Variants in SETX observed in about 807,000 individuals in gnomAD.
The protein encoded by SETX is helicase senataxin.
SETX carries 90 observed loss-of-function variants against 227.2 expected under a neutral mutation model. That is an observed-to-expected ratio of 0.40 (90% CI 0.33 to 0.47). The LOEUF (loss-of-function observed/expected upper bound fraction) is 0.47. SETX is among the 20% of genes least tolerant of loss of function. The probability of loss-of-function intolerance (pLI) is 0.91; values close to 1 mark genes in which losing one functional copy is unlikely to be tolerated. For missense variants in SETX, 3,052 were observed against 3,181.5 expected, an observed-to-expected ratio of 0.96 and a Z score of 0.98; for synonymous variants, 1,210 against 1,113.2, an observed-to-expected ratio of 1.09 and a Z score of -1.73.
chr9:132,343,335 A>G (rs1048862275), intron 4 of SETX, among the ~76,000 whole-genome samples: 4 of 152,152 alleles, frequency 2.6e-5, no homozygotes, highest in Non-Finnish European at 4.4e-5. Flanking sequence ...AACAACAAAA[A>G]AAAGAATGTA....
chr9:132,355,556 CCT>C (rs1257403980), upstream of SETX, among the ~76,000 whole-genome samples: 12 of 152,220 alleles, frequency 7.9e-5, no homozygotes, highest in Non-Finnish European at 1.3e-4. Context: ...AGAGTAAATC[CCT>C]CGCTGGTGCG....
chr9:132,271,162 T>C (rs1420764791), intron 24 of SETX, among the ~76,000 whole-genome samples: 2 of 152,210 alleles, frequency 1.3e-5, no homozygotes, highest in East Asian at 3.8e-4. Context: ...CAATGACACT[T>C]TGACACATAC....
Position 132,263,377 on chromosome 9 carries a change from T to C in SETX, c.*862A>G, listed in dbSNP as rs1017911725. 2 of 152,190 alleles carry C rather than the reference T, an allele frequency of 1.3e-5. No homozygotes were observed. The highest frequency in any genetic ancestry group is 4.8e-5 in the African/African-American group (2 of 41,436). The allele number at this position is 152,190 out of a possible 1,614,324, so 9.4% of individuals were successfully genotyped here. ...TTCCACAGCTGACCCAGCGCTAATC[T>C]AGCATTTGGCAACCAAATGTCTGTA... On this transcript the variant is annotated 3_prime_UTR_variant, in exon 26 of 26. Transcript: ENST00000224140.
intron 3 of SETX, 61 bp downstream of exon 3, chr9:132,349,191 A>C: frequency 6.6e-7 from 1 of 1,515,108 alleles, no homozygotes. Context: ...AACGGAGTTC[A>C]AACTTACTCT....
At chr9:132,349,485 T>C (rs771717976) in intron 2 of SETX, 50 bp from the exon 3 acceptor site, 23 of 1,581,176 alleles carry the variant, frequency 1.5e-5, no homozygotes, top group Admixed American at 1.0e-4. Flanking sequence ...TCAGACCTAC[T>C]GTGTGTCAAG....
At chr9:132,343,032 C>A (rs1482943613) in intron 4 of SETX, among the ~76,000 whole-genome samples, 1 of 152,052 alleles carries the variant, frequency 6.6e-6, no homozygotes, top group African/African-American at 2.4e-5. Context: ...GAATAGATCC[C>A]TTTTTTGCCG....
intron 15 of SETX, among the ~76,000 whole-genome samples, chr9:132,289,016 C>G (rs987667665): frequency 6.6e-5 from 10 of 152,228 alleles, no homozygotes; most frequent in Admixed American, 2.6e-4. Context: ...ATAAACGAAG[C>G]AGTTCTCTCA....
At chr9:132,316,513 C>G (rs1231615475) in intron 10 of SETX, among the ~76,000 whole-genome samples, 1 of 152,166 alleles carries the variant, frequency 6.6e-6, no homozygotes, top group East Asian at 1.9e-4. Context: ...TTTATGATTA[C>G]CTTCATCACC....
intron 23 of SETX, 117 bp from the exon 24 acceptor site, chr9:132,271,925 C>T: frequency 1.2e-6 from 1 of 808,476 alleles, no homozygotes; most frequent in Non-Finnish European, 2.0e-6. Context: ...CTCTGTCGCC[C>T]AGGCTGGAGT....
rs1842554786 is a variant in SETX, at chr9:132,264,752, A to G, written c.7521T>C (p.Ser2507=). The stretch of plus-strand genomic sequence containing the variant: ...TGGAGTCAGAGGGTGTGTGGTATAG[A>G]GAAGCAGCAACAGATGTCTTGGCAA... ...SGFAKTSVAA[S]LYHTPSDSKE... Residue 2507 remains serine, a synonymous_variant, in exon 26 of 26, where the codon TCT becomes TCC. Transcript: ENST00000224140. 1 of 1,614,056 alleles carries G rather than the reference A, an allele frequency of 6.2e-7. No homozygotes were observed. Among genetic ancestry groups the G allele is most frequent in the East Asian group, 2.2e-5 (1 of 44,902 alleles).
At chr9:132,269,320 C>T (rs1842787663) in intron 25 of SETX, 1 of 1,038,616 alleles carries the variant, frequency 9.6e-7, no homozygotes, top group Non-Finnish European at 1.3e-6. Context: ...CAAGCAATTG[C>T]TTTGGCACTT....
rs1334058002 is a variant in SETX, at chr9:132,336,326, C to T, written c.688G>A (p.Asp230Asn). ...KLILLPSHMY[D>N]TTNYKSYWLG... Reference sequence around the variant, plus strand: ...CAATAGCTTTTGTAGTTGGTAGTATCATACATGTGTGAGGGCAGAAGAATC... The same window carrying T: ...CAATAGCTTTTGTAGTTGGTAGTATTATACATGTGTGAGGGCAGAAGAATC... The change falls in exon 6 of 26, where the codon GAT (aspartate) becomes AAT (asparagine). Residue 230 changes from aspartate (D) to asparagine (N), a missense_variant. This residue lies in a region of SETX where 239 missense variants were observed against 240.8 expected (regional missense o/e 0.99). Coordinates refer to ENST00000224140, the MANE Select transcript of SETX (RefSeq NM_015046.7). The T allele has an allele frequency of 1.2e-6, 2 of 1,613,686 alleles. No individual in the cohort carries two copies. Among genetic ancestry groups the T allele is most frequent in the East Asian group, 4.5e-5 (2 of 44,868 alleles).
In SETX at chr9:132,354,224, AAC is replaced by A. The variant is rs1229104802; in HGVS notation, c.-114-471_-114-470del. Among the ~76,000 whole-genome samples the A allele has an allele frequency of 3.3e-5, 5 of 152,178 alleles. No individual in the cohort carries two copies. The East Asian group carries it at 9.6e-4, about 29-fold the overall frequency. On this transcript the variant is annotated intron_variant, in intron 1 of 25. Transcript: ENST00000224140. Reference sequence around the variant, plus strand: ...AGCTCCAGCCCCTCCAAGTGGGAGAAACAGACTCTCCTCCAAACGAAGGGACC... The same window carrying A: ...AGCTCCAGCCCCTCCAAGTGGGAGAAAGACTCTCCTCCAAACGAAGGGACC...
intron 12 of SETX, 141 bp downstream of exon 12, chr9:132,300,488 CT>C (rs1024378221): frequency 1.2e-6 from 1 of 830,252 alleles, no homozygotes; most frequent in Non-Finnish European, 2.0e-6. Flanking sequence ...AGAAAAGAGA[CT>C]CTGAATGGCC....
chr9:132,356,128 G>C (rs1848901698), upstream of SETX, among the ~76,000 whole-genome samples: 2 of 152,034 alleles, frequency 1.3e-5, no homozygotes, highest in Admixed American at 1.3e-4. Context: ...CCAGGCTGGG[G>C]AACAAAGCAA....
chr9:132,313,820 G>C (rs373898016), intron 10 of SETX, among the ~76,000 whole-genome samples: 11 of 150,160 alleles, frequency 7.3e-5, no homozygotes, highest in African/African-American at 2.7e-4. Flanking sequence ...AAAGGTGTCA[G>C]CTGCTGTAAA....
chr9:132,300,282 C>T (rs1844914008), intron 12 of SETX, among the ~76,000 whole-genome samples: 1 of 152,022 alleles, frequency 6.6e-6, no homozygotes, highest in Non-Finnish European at 1.5e-5. Flanking sequence ...AGCTGCCTTA[C>T]AGTGAGTTTT....
chr9:132,267,387 C>G (rs769562225), intron 25 of SETX, among the ~76,000 whole-genome samples: 1 of 152,228 alleles, frequency 6.6e-6, no homozygotes, highest in Non-Finnish European at 1.5e-5. Context: ...TTGCTAAGTT[C>G]ACTACACCTA....
chr9:132,299,790 C>T (rs1174401283), intron 12 of SETX, among the ~76,000 whole-genome samples: 1 of 151,910 alleles, frequency 6.6e-6, no homozygotes, highest in Non-Finnish European at 1.5e-5. Flanking sequence ...TCCTGGGGAG[C>T]AAGGAATAAT....
Sources: gnomAD v4.1 joint callset for allele counts (sites outside exome capture counted in the v4.1 genomes callset) on GRCh38, gnomAD v4.1.1 for gene constraint, gnomAD v4.1.1 regional missense constraint, MANE v1.5 for transcripts, NCBI Gene and HGNC (gene_info 2026-07-23, HGNC 2026-07-21) for gene names.